The following ST6GAL1 variants were observed in gnomAD, a reference collection of about 807,000 sequenced individuals.
The protein encoded by ST6GAL1 is beta-galactoside alpha-2,6-sialyltransferase 1.
In ST6GAL1, 20 loss-of-function variants were observed where a neutral mutation model predicts 38.0. That is an observed-to-expected ratio of 0.53 (90% CI 0.37 to 0.77). The LOEUF (loss-of-function observed/expected upper bound fraction) is 0.77, where lower values mean the gene tolerates loss of function less well. ST6GAL1 is among the 30% of genes least tolerant of loss of function. The pLI is 0.00. For synonymous variants in ST6GAL1, 196 were observed against 188.2 expected (o/e 1.04, Z -0.34); for missense variants, 432 against 496.4 (o/e 0.87, Z 1.23).
intron 3 of ST6GAL1, among the ~76,000 whole-genome samples, chr3:187,040,050 A>T (rs1718075563): frequency 6.6e-6 from 1 of 152,252 alleles, no homozygotes; most frequent in Non-Finnish European, 1.5e-5. Context: ...GTGACAGTGA[A>T]TCAGGCCCTT....
chr3:187,059,123 G>T (rs1718821900), intron 5 of ST6GAL1, among the ~76,000 whole-genome samples: 1 of 151,926 alleles, frequency 6.6e-6, no homozygotes, highest in African/African-American at 2.4e-5. Context: ...AATGAGGGAG[G>T]CGTTACACCA....
In ST6GAL1 at chr3:187,072,839, C is replaced by T; in HGVS notation, c.706-10C>T. The T allele has an allele frequency of 6.2e-7, 1 of 1,611,480 alleles. No homozygotes were observed. Among genetic ancestry groups the T allele is most frequent in the Non-Finnish European group, 8.5e-7 (1 of 1,177,720 alleles). On this transcript the variant is annotated splice_polypyrimidine_tract_variant and intron_variant, in intron 5 of 7. Coordinates refer to ENST00000169298, the MANE Select transcript of ST6GAL1 (RefSeq NM_173216.2). ...TGTTCAAGCGACAGCTTATCTCTTT[C>T]TTCCTGCAGTTGGTTACCACAGAGA...
chr3:186,931,870 A>G (rs2108510993), intron 1 of ST6GAL1, among the ~76,000 whole-genome samples: 1 of 152,378 alleles, frequency 6.6e-6, no homozygotes, highest in East Asian at 1.9e-4. Context: ...TATTTGAAAG[A>G]AATTCCGAGG....
chr3:187,039,299 T>C (rs1204673454), intron 3 of ST6GAL1, among the ~76,000 whole-genome samples: 1 of 152,198 alleles, frequency 6.6e-6, no homozygotes, highest in Non-Finnish European at 1.5e-5. Context: ...AGCCTCGTGA[T>C]GATTGTAAAG....
intron 1 of ST6GAL1, among the ~76,000 whole-genome samples, chr3:186,960,390 A>C (rs1446076431): frequency 6.6e-6 from 1 of 152,150 alleles, no homozygotes; most frequent in Non-Finnish European, 1.5e-5. Context: ...GAGGAGAAGG[A>C]AGGAGTTGAG....
At chr3:187,035,213 CCAA>C (rs1717887458) in intron 2 of ST6GAL1, among the ~76,000 whole-genome samples, 6 of 152,164 alleles carry the variant, frequency 3.9e-5, no homozygotes, top group Admixed American at 2.6e-4. Context: ...AAATATCTCT[CCAA>C]GGAGAACTAC....
chr3:187,024,493 T>TATATATAG lies in ST6GAL1; in HGVS notation c.-182-14248_-182-14247insTATATAGA, dbSNP rs1275438498. ...ATATGTGTATATATATATATATATATAGAGAGAGAGAGAGAGAGAGAGAGA... is the reference window on the plus strand; with the variant it reads ...ATATGTGTATATATATATATATATATATATATAGAGAGAGAGAGAGAGAGAGAGAGAGA... On this transcript the variant is annotated intron_variant, in intron 2 of 7. Transcript: ENST00000169298. 3.5e-4 allele frequency among the ~76,000 whole-genome samples: 30 copies of TATATATAG among 85,798 alleles called. No homozygotes were observed. The South Asian group carries it at 7.4e-3, about 21-fold the overall frequency. 56.3% of individuals were successfully genotyped at this position (85,798 alleles called of 152,430 possible).
intron 2 of ST6GAL1, among the ~76,000 whole-genome samples, chr3:187,001,380 GTA>G (rs1716611175): frequency 6.6e-6 from 1 of 152,210 alleles, no homozygotes; most frequent in African/African-American, 2.4e-5. Flanking sequence ...ATGTCTCCCT[GTA>G]ATATTGCAGT....
intron 2 of ST6GAL1, among the ~76,000 whole-genome samples, chr3:187,031,103 A>C (rs1717733434): frequency 6.6e-6 from 1 of 152,176 alleles, no homozygotes; most frequent in South Asian, 2.1e-4. Context: ...AATGTCACAT[A>C]GTTTGATGAG....
intron 2 of ST6GAL1, among the ~76,000 whole-genome samples, chr3:187,020,368 CTT>C (rs1360038603): frequency 1.3e-5 from 2 of 152,188 alleles, no homozygotes; most frequent in Non-Finnish European, 2.9e-5. Context: ...GAGCAAATGA[CTT>C]AAACTCTCTG....
intron 2 of ST6GAL1, among the ~76,000 whole-genome samples, chr3:187,036,160 A>G (rs1192032052): frequency 1.3e-5 from 2 of 152,226 alleles, no homozygotes; most frequent in Non-Finnish European, 2.9e-5. Flanking sequence ...AATGCTCAGT[A>G]TCACTAATTA....
At position 187,075,772 on chromosome 3, in the gene ST6GAL1, C is replaced by T. The variant is rs188879099; in HGVS notation, c.1190C>T (p.Thr397Ile). ...GACATCTACCTGCTTGGAAAAGCCA[C>T]ACTGCCTGGCTTCCGGACCATTCAC... ...DEDIYLLGKA[T>I]LPGFRTIHC is the part of the protein sequence containing the mutation. Residue 397 changes from threonine to isoleucine, a missense_variant, in exon 8 of 8, where the codon ACA becomes ATA. By Grantham distance (89) the Thr-to-Ile change is moderately conservative. Transcript: ENST00000169298. This position sits in a 1 kb window ranked among gnomAD's most constrained non-coding sequence, Gnocchi z 4.1. 16 of 1,614,246 alleles carry T rather than the reference C, an allele frequency of 9.9e-6. No individual in the cohort carries two copies. In the African/African-American group the frequency reaches 1.9e-4, roughly 19 times the overall value.
intron 5 of ST6GAL1, among the ~76,000 whole-genome samples, chr3:187,065,596 C>T (rs867596546): frequency 6.6e-6 from 1 of 152,130 alleles, no homozygotes; most frequent in African/African-American, 2.4e-5. Flanking sequence ...AGACTCAACT[C>T]AGTACCTCCT....
At chr3:187,008,921 G>C (rs1716869304) in intron 2 of ST6GAL1, among the ~76,000 whole-genome samples, 1 of 151,090 alleles carries the variant, frequency 6.6e-6, no homozygotes, top group Non-Finnish European at 1.5e-5. Flanking sequence ...CCTTTTTGTT[G>C]GGATTTGAGG....
chr3:187,008,357 G>GA (rs1159196075), intron 2 of ST6GAL1, among the ~76,000 whole-genome samples: 1 of 149,092 alleles, frequency 6.7e-6, no homozygotes, highest in Non-Finnish European at 1.5e-5. Context: ...GAGAAAGAAA[G>GA]AAAAAAGAGA....
intron 2 of ST6GAL1, among the ~76,000 whole-genome samples, chr3:187,026,809 G>A (rs1260899732): frequency 6.6e-6 from 1 of 152,208 alleles, no homozygotes; most frequent in Non-Finnish European, 1.5e-5. Flanking sequence ...ACTTTGGGAG[G>A]CCGAGGCGGG....
intron 1 of ST6GAL1, chr3:186,942,299 C>G (rs1378064818): frequency 6.6e-6 from 1 of 152,254 alleles, no homozygotes; most frequent in African/African-American, 2.4e-5. Flanking sequence ...CCTGTTCTGT[C>G]CTTGGCTTCA....
intron 2 of ST6GAL1, among the ~76,000 whole-genome samples, chr3:187,023,060 T>A (rs1298527869): frequency 6.6e-6 from 1 of 152,250 alleles, no homozygotes; most frequent in African/African-American, 2.4e-5. Flanking sequence ...TGTAACCTCC[T>A]TTCTGTCATG....
intron 2 of ST6GAL1, among the ~76,000 whole-genome samples, chr3:187,001,955 C>CA (rs757487688): frequency 0.23 from 30,249 of 130,154 alleles, 3,118 homozygotes; most frequent in East Asian, 0.3. Flanking sequence ...GACTTTGTCT[C>CA]AAAAAAAAAA....
Sources: allele counts gnomAD v4.1 joint callset (sites outside exome capture counted in the v4.1 genomes callset), GRCh38; gene constraint gnomAD v4.1.1; non-coding constraint Gnocchi (gnomAD v3.1); transcripts MANE v1.5; gene names NCBI Gene and HGNC (gene_info 2026-07-23, HGNC 2026-07-21).